The following RNF180 variants were observed in gnomAD, a reference collection of about 807,000 sequenced individuals.
RNF180 encodes E3 ubiquitin-protein ligase RNF180.
Under a neutral mutation model 59.2 loss-of-function variants are expected in RNF180, and 38 were observed. That is an observed-to-expected ratio of 0.64 (90% CI 0.50 to 0.84). The LOEUF (loss-of-function observed/expected upper bound fraction) is 0.84, where lower values mean the gene tolerates loss of function less well. Among genes scored for constraint, RNF180 ranks in the 40% least tolerant of loss-of-function variants. The pLI is 0.00. For synonymous variants in RNF180, 262 were observed against 240.3 expected, an observed-to-expected ratio of 1.09 and a Z score of -0.84; for missense variants, 705 against 700.9, an observed-to-expected ratio of 1.01 and a Z score of -0.07.
chr5:64,189,285 CT>C (rs1181895755), intron 1 of RNF180, among the ~76,000 whole-genome samples: 1 of 151,962 alleles, frequency 6.6e-6, no homozygotes, highest in Non-Finnish European at 1.5e-5. Flanking sequence ...TGGAGAAACA[CT>C]TTGGAATTAG....
At chr5:64,328,351 A>G (rs1346337870) in intron 6 of RNF180, among the ~76,000 whole-genome samples, 1 of 152,224 alleles carries the variant, frequency 6.6e-6, no homozygotes, top group African/African-American at 2.4e-5. Flanking sequence ...TGACACTGAC[A>G]AGCCCCTTCA....
intron 2 of RNF180, among the ~76,000 whole-genome samples, chr5:64,201,545 A>G (rs536109866): frequency 6.6e-6 from 1 of 152,344 alleles, no homozygotes; most frequent in South Asian, 2.1e-4. Context: ...TTCTAAATTT[A>G]ACAGACAGAG....
Position 64,196,190 on chromosome 5 carries a change from G to GTT in RNF180, c.1-4606_1-4605dup, listed in dbSNP as rs375790160. Reference sequence around the variant, plus strand: ...GATGTCATGTATTAACAGGCACTTAGTTTTTTTTTTTTTCCCACCATTAAC... The same window carrying GTT: ...GATGTCATGTATTAACAGGCACTTAGTTTTTTTTTTTTTTTCCCACCATTAAC... On this transcript the variant is annotated intron_variant, in intron 1 of 7. Transcript: ENST00000389100. 3.5e-3 allele frequency among the ~76,000 whole-genome samples: 507 copies of GTT among 146,632 alleles called. 2 individuals are homozygous for GTT. The highest frequency in any genetic ancestry group is 0.011 in the African/African-American group (454 of 40,052).
Position 64,200,899 on chromosome 5 carries a change from G to C in RNF180, c.92G>C (p.Ser31Thr). The change falls in exon 2 of 8, where the codon AGC becomes ACC. Residue 31 changes from serine to threonine, a missense_variant. Coordinates refer to ENST00000389100, the MANE Select transcript of RNF180 (RefSeq NM_001113561.2). ...TGGAAATGTAGAAAATGTATAGCAA[G>C]CTCTGGTTGTTTTATGGAGTATCTT... is the stretch of plus-strand genomic sequence containing the variant. Reference protein sequence around the residue: ...RCWKCRKCIASSGCFMEYLEN... With the variant: ...RCWKCRKCIATSGCFMEYLEN... 2 of 1,613,582 alleles carry C rather than the reference G, an allele frequency of 1.2e-6. No individual in the cohort carries two copies. The highest frequency in any genetic ancestry group is 1.7e-6 in the Non-Finnish European group (2 of 1,179,528).
intron 7 of RNF180, among the ~76,000 whole-genome samples, chr5:64,364,342 G>C (rs1746367421): frequency 6.6e-6 from 1 of 151,540 alleles, no homozygotes; most frequent in African/African-American, 2.4e-5. Flanking sequence ...GATGGTTATT[G>C]TCTTTAGTTC....
chr5:64,175,880 C>T (rs1344125883), intron 1 of RNF180, among the ~76,000 whole-genome samples: 1 of 152,008 alleles, frequency 6.6e-6, no homozygotes, highest in African/African-American at 2.4e-5. Flanking sequence ...AATGAGATTG[C>T]ATTCTTGGTT....
chr5:64,247,116 A>G (rs868052980), intron 5 of RNF180, among the ~76,000 whole-genome samples: 1 of 152,184 alleles, frequency 6.6e-6, no homozygotes, highest in South Asian at 2.1e-4. Flanking sequence ...CATATCTCAA[A>G]ATAATAAGAG....
At chr5:64,264,374 C>T (rs971433858) in intron 5 of RNF180, among the ~76,000 whole-genome samples, 9 of 152,078 alleles carry the variant, frequency 5.9e-5, no homozygotes, top group African/African-American at 2.2e-4. Context: ...AATGCTATCC[C>T]TCCCCTTGCC....
At chr5:64,227,074 C>A (rs1046733196) in intron 5 of RNF180, among the ~76,000 whole-genome samples, 1 of 152,178 alleles carries the variant, frequency 6.6e-6, no homozygotes, top group Non-Finnish European at 1.5e-5. Context: ...CAGACACTCA[C>A]GAGATCGTCA....
At position 64,356,148 on chromosome 5, in the gene RNF180, T is replaced by C. The variant is rs757406766; in HGVS notation, c.1580-13467T>C. Among the ~76,000 whole-genome samples the C allele has an allele frequency of 8.6e-5, 13 of 151,698 alleles. 1 individual carries two copies. The highest frequency in any genetic ancestry group is 2.0e-4 in the Admixed American group (3 of 15,176). The stretch of plus-strand genomic sequence containing the variant: ...GGTGGTGCATGCCTGTAGTCCTAAC[T>C]ACTTGGGAGGCTGACATCTGGGAGC... On this transcript the variant is annotated intron_variant, in intron 7 of 7. Transcript: ENST00000389100.
chr5:64,234,057 T>A (rs1056268557), intron 5 of RNF180, among the ~76,000 whole-genome samples: 6 of 152,252 alleles, frequency 3.9e-5, no homozygotes, highest in African/African-American at 1.4e-4. Context: ...GTGATTTAGC[T>A]GTATGCTCTT....
chr5:64,321,181 G>C (rs548492158), intron 5 of RNF180, among the ~76,000 whole-genome samples: 91 of 151,946 alleles, frequency 6.0e-4, no homozygotes, highest in African/African-American at 2.1e-3. Flanking sequence ...AATCAGGCAA[G>C]AGGAAAAAAA....
chr5:64,205,228 T>C (rs1751956213), intron 2 of RNF180, among the ~76,000 whole-genome samples: 1 of 152,142 alleles, frequency 6.6e-6, no homozygotes. Context: ...CAAAGTTAGC[T>C]TGGTGTGGAA....
intron 5 of RNF180, among the ~76,000 whole-genome samples, chr5:64,322,567 A>G (rs984292356): frequency 2.0e-5 from 3 of 151,342 alleles, no homozygotes; most frequent in African/African-American, 4.9e-5. Flanking sequence ...ATATATGTAT[A>G]CACGTATATA....
intron 5 of RNF180, among the ~76,000 whole-genome samples, chr5:64,291,804 T>C (rs1278078197): frequency 6.6e-6 from 1 of 152,166 alleles, no homozygotes; most frequent in Non-Finnish European, 1.5e-5. Context: ...TTTGGTCTTT[T>C]TACATAGTTT....
Position 64,318,162 on chromosome 5 carries a change from A to G in RNF180, c.1228-7024A>G, listed in dbSNP as rs542701480. 1.5e-4 allele frequency among the ~76,000 whole-genome samples: 23 copies of G among 152,326 alleles called. No homozygotes were observed. In the South Asian group the frequency reaches 4.8e-3, roughly 32 times the overall value. ...TTTTTTTCTATATATACAACCTGTGATAAAGTTTAACTTAAAAATTAGTCA... is the reference window on the plus strand; with the variant it reads ...TTTTTTTCTATATATACAACCTGTGGTAAAGTTTAACTTAAAAATTAGTCA... On this transcript the variant is annotated intron_variant, in intron 5 of 7. Coordinates refer to ENST00000389100, the MANE Select transcript of RNF180 (RefSeq NM_001113561.2).
intron 7 of RNF180, among the ~76,000 whole-genome samples, chr5:64,347,923 T>G (rs951222378): frequency 2.6e-5 from 4 of 152,124 alleles, no homozygotes; most frequent in African/African-American, 9.7e-5. Context: ...TGTTTTAGCT[T>G]TGCTAAGATT....
intron 4 of RNF180, among the ~76,000 whole-genome samples, 189 bp downstream of exon 4, chr5:64,214,706 TG>T (rs1284256879): frequency 6.6e-6 from 1 of 152,188 alleles, no homozygotes; most frequent in African/African-American, 2.4e-5. Context: ...CCAGTCTCTA[TG>T]CTTCATGCAT....
intron 5 of RNF180, among the ~76,000 whole-genome samples, chr5:64,302,322 ATATT>A (rs1279694923): frequency 3.3e-5 from 5 of 151,524 alleles, no homozygotes; most frequent in African/African-American, 7.3e-5. Context: ...TGTGGTAGGG[ATATT>A]TATTTATTTA....
Sources: allele counts gnomAD v4.1 joint callset (sites outside exome capture counted in the v4.1 genomes callset), GRCh38; gene constraint gnomAD v4.1.1; transcripts MANE v1.5; gene names NCBI Gene and HGNC (gene_info 2026-07-23, HGNC 2026-07-21).